The following HS1BP3 variants were observed in gnomAD, a reference collection of about 807,000 sequenced individuals.
HS1BP3 encodes HCLS1 binding protein 3.
Under a neutral mutation model 33.5 loss-of-function variants are expected in HS1BP3, and 32 were observed. The observed-to-expected ratio is 0.95, with a 90% confidence interval of 0.72 to 1.28. The LOEUF is 1.28. Among genes scored for constraint, HS1BP3 ranks in the 50% most tolerant of loss-of-function variants. HS1BP3 has a pLI of 0.00. For missense variants in HS1BP3, 486 were observed against 502.3 expected (o/e 0.97, Z 0.31); for synonymous variants, 187 against 209.2 (o/e 0.89, Z 0.92).
At chr2:20,615,445 A>G (rs1694404493), downstream of HS1BP3, among the ~76,000 whole-genome samples, 1 of 152,196 alleles carries the variant, frequency 6.6e-6, no homozygotes, top group Non-Finnish European at 1.5e-5. Context: ...TGAGCAGGGA[A>G]TGGTTTGGAG....
chr2:20,584,908 G>A (rs964943732), intron 5 of HS1BP3, among the ~76,000 whole-genome samples: 1 of 152,216 alleles, frequency 6.6e-6, no homozygotes, highest in Non-Finnish European at 1.5e-5. Flanking sequence ...AGCAAATGAA[G>A]GGAGGGCCAG....
Position 20,618,708 on chromosome 2 carries a change from G to A in HS1BP3, c.*279C>T. 1 of 1,239,308 alleles carries A rather than the reference G, an allele frequency of 8.1e-7. No individual in the cohort carries two copies. The highest frequency in any genetic ancestry group is 1.0e-6 in the Non-Finnish European group (1 of 987,000). 76.8% of individuals were successfully genotyped at this position (1,239,308 alleles called of 1,614,324 possible). ...TGGGGCTGGGCTTCTGGTTGGCAAG[G>A]CATCCCCACACCCTCCCTCCCCTTC... On this transcript the variant is annotated 3_prime_UTR_variant, in exon 7 of 7. Coordinates refer to ENST00000304031, the MANE Select transcript of HS1BP3 (RefSeq NM_022460.4).
chr2:20,624,938 G>A lies in HS1BP3; in HGVS notation c.624-46C>T, dbSNP rs1572343986. 3.7e-6 allele frequency: 6 copies of A among 1,607,834 alleles called. No homozygotes were observed. The East Asian group carries it at 1.3e-4, about 36-fold the overall frequency. On this transcript the variant is annotated intron_variant, in intron 4 of 6. Coordinates refer to ENST00000304031, the MANE Select transcript of HS1BP3 (RefSeq NM_022460.4). ...CACAAGGTGAGGATTTCCCACAAGTGTCCAGGTGGTCCGGTCAGACCGACA... is the reference window on the plus strand; with the variant it reads ...CACAAGGTGAGGATTTCCCACAAGTATCCAGGTGGTCCGGTCAGACCGACA...
chr2:20,597,028 T>A (rs1221764903), intron 3 of HS1BP3, among the ~76,000 whole-genome samples: 1 of 152,190 alleles, frequency 6.6e-6, no homozygotes, highest in Non-Finnish European at 1.5e-5. Flanking sequence ...GCTGGAGTCA[T>A]CTCTAATCCC....
downstream of HS1BP3, among the ~76,000 whole-genome samples, chr2:20,558,539 T>C (rs1692895971): frequency 6.6e-6 from 1 of 152,142 alleles, no homozygotes; most frequent in Admixed American, 6.5e-5. Context: ...CTGCCCAGTT[T>C]CCCTCTTCAG....
chr2:20,604,968 C>G (rs1014710383), intron 2 of HS1BP3, among the ~76,000 whole-genome samples: 9 of 152,202 alleles, frequency 5.9e-5, no homozygotes, highest in Admixed American at 5.2e-4. Flanking sequence ...ATTTAAAGTC[C>G]CACGGGAGAA....
rs1694515492 is a variant in HS1BP3, at chr2:20,619,130, C to G, written c.1036G>C (p.Val346Leu). 1 of 1,614,188 alleles carries G rather than the reference C, an allele frequency of 6.2e-7. No homozygotes were observed. Among genetic ancestry groups the G allele is most frequent in the Non-Finnish European group, 8.5e-7 (1 of 1,180,016 alleles). The change falls in exon 7 of 7, where the codon GTT becomes CTT. Residue 346 changes from valine to leucine, a missense_variant. Coordinates refer to ENST00000304031, the MANE Select transcript of HS1BP3 (RefSeq NM_022460.4). Reference sequence around the variant, plus strand: ...TCAGCCGGGCCCGCTTTGGGGGGAACAGCTGGTTTTCTGGGTATCACCGGC... The same window carrying G: ...TCAGCCGGGCCCGCTTTGGGGGGAAGAGCTGGTTTTCTGGGTATCACCGGC... ...AKPVIPRKPA[V>L]PPKAGPAEAV...
chr2:20,644,709 G>A (rs1448657119), intron 2 of HS1BP3, among the ~76,000 whole-genome samples: 1 of 152,198 alleles, frequency 6.6e-6, no homozygotes, highest in East Asian at 1.9e-4. Flanking sequence ...CCTGACACCT[G>A]TTTTGTTCCT....
intron 3 of HS1BP3, among the ~76,000 whole-genome samples, chr2:20,596,033 C>T (rs1055262966): frequency 3.3e-5 from 5 of 152,130 alleles, no homozygotes; most frequent in African/African-American, 1.2e-4. Context: ...GAGCTTACCT[C>T]TTGCCCTGAG....
At chr2:20,559,695 G>A (rs1046591545), downstream of HS1BP3, among the ~76,000 whole-genome samples, 1 of 137,786 alleles carries the variant, frequency 7.3e-6, no homozygotes, top group Non-Finnish European at 1.6e-5. Flanking sequence ...TGGGTAGATG[G>A]ACGGGTGGGT....
In HS1BP3 at chr2:20,578,496, C is replaced by T. The variant is rs188275102; in HGVS notation, c.303-17981G>A. ...TTGGACAACCGGGGCAGTTCTTGCC[C>T]GGAGGCTCTCGCAGGCAGCCCCACA... On this transcript the variant is annotated intron_variant, in intron 5 of 5. Transcript: ENST00000446825. 1.2e-3 allele frequency among the ~76,000 whole-genome samples: 184 copies of T among 152,304 alleles called. 1 individual carries two copies. The highest frequency in any genetic ancestry group is 3.1e-4 in the Non-Finnish European group (21 of 68,022).
At chr2:20,628,316 G>A (rs1488251343) in intron 4 of HS1BP3, among the ~76,000 whole-genome samples, 1 of 152,182 alleles carries the variant, frequency 6.6e-6, no homozygotes, top group Admixed American at 6.5e-5. Context: ...ATGGCCGAGT[G>A]AGGTGGCTTA....
chr2:20,569,432 G>A (rs1309113111), intron 5 of HS1BP3, among the ~76,000 whole-genome samples: 1 of 152,108 alleles, frequency 6.6e-6, no homozygotes, highest in Non-Finnish European at 1.5e-5. Flanking sequence ...CCTACATAGG[G>A]TGGCCAAATT....
chr2:20,573,599 C>A (rs534086948), intron 5 of HS1BP3, among the ~76,000 whole-genome samples: 1 of 152,320 alleles, frequency 6.6e-6, no homozygotes, highest in East Asian at 1.9e-4. Flanking sequence ...CGCAGCCTCC[C>A]GGGCCTTTGC....
At chr2:20,555,615 T>C (rs1692823229), downstream of HS1BP3, among the ~76,000 whole-genome samples, 1 of 152,068 alleles carries the variant, frequency 6.6e-6, no homozygotes, top group Admixed American at 6.5e-5. Flanking sequence ...TGGGTTTACA[T>C]ATGGTGAGTT....
chr2:20,588,584 C>T (rs903662932), downstream of HS1BP3, among the ~76,000 whole-genome samples: 1 of 152,144 alleles, frequency 6.6e-6, no homozygotes, highest in African/African-American at 2.4e-5. Context: ...CCTCCCAAAG[C>T]CGATTTTTCT....
chr2:20,584,362 C>T (rs980133226), intron 5 of HS1BP3, among the ~76,000 whole-genome samples: 4 of 152,172 alleles, frequency 2.6e-5, no homozygotes, highest in Non-Finnish European at 4.4e-5. Context: ...TGGGGTGTGC[C>T]GGTCCCTGCC....
rs775804097 is a variant in HS1BP3, at chr2:20,619,171, G to A, written c.995C>T (p.Pro332Leu). The change falls in exon 7 of 7, where the codon CCA becomes CTA. Residue 332 changes from proline (P) to leucine (L), a missense_variant. By Grantham distance (98) the Pro-to-Leu change is moderately conservative. Transcript: ENST00000304031. ...PKPKPQLKPKPPVAAKPVIPR... is the reference protein window; with the variant it reads ...PKPKPQLKPKLPVAAKPVIPR... ...TATCACCGGCTTAGCTGCCACTGGTGGCTTGGGCTTAAGCTGGGGCTTGGG... is the reference window on the plus strand; with the variant it reads ...TATCACCGGCTTAGCTGCCACTGGTAGCTTGGGCTTAAGCTGGGGCTTGGG... The A allele has an allele frequency of 6.2e-7, 1 of 1,614,152 alleles. No homozygotes were observed. The highest frequency in any genetic ancestry group is 1.7e-5 in the Admixed American group (1 of 60,012).
chr2:20,570,742 T>C (rs1693246812), intron 5 of HS1BP3, among the ~76,000 whole-genome samples: 1 of 152,080 alleles, frequency 6.6e-6, no homozygotes, highest in South Asian at 2.1e-4. Flanking sequence ...AAATGGTGTC[T>C]CAGAAAGGGG....
Sources: gnomAD v4.1 joint callset for allele counts (sites outside exome capture counted in the v4.1 genomes callset) on GRCh38, gnomAD v4.1.1 for gene constraint, MANE v1.5 for transcripts, NCBI Gene and HGNC (gene_info 2026-07-23, HGNC 2026-07-21) for gene names.